TBC1D2: variants seen among roughly 807,000 people sequenced by gnomAD.
TBC1D2 encodes TBC1 domain family member 2A.
TBC1D2 carries 58 observed loss-of-function variants against 91.1 expected under a neutral mutation model. The observed-to-expected ratio is 0.64, with a 90% CI of 0.52 to 0.79. The LOEUF is 0.79. Among genes scored for constraint, TBC1D2 ranks in the 30% least tolerant of loss-of-function variants. The pLI is 0.00. For missense variants in TBC1D2, 1,080 were observed against 1,208.3 expected, an observed-to-expected ratio of 0.89 and a Z score of 1.57; for synonymous variants, 482 against 511.5, an observed-to-expected ratio of 0.94 and a Z score of 0.78.
chr9:98,233,687 C>A, intron 3 of TBC1D2, 138 bp from the exon 4 acceptor site: 1 of 1,314,050 alleles, frequency 7.6e-7, no homozygotes, highest in South Asian at 1.4e-5. Context: ...ACTCCAGGCA[C>A]CCTACATGAT....
intron 3 of TBC1D2, among the ~76,000 whole-genome samples, chr9:98,242,784 G>A (rs1185059930): frequency 7.2e-6 from 1 of 139,762 alleles, no homozygotes; most frequent in African/African-American, 2.6e-5. Context: ...TGCTTCCAAA[G>A]CCCAGGCCAC....
At position 98,201,679 on chromosome 9, in the gene TBC1D2, G is replaced by A; in HGVS notation, c.2272-15C>T. 1 of 1,604,382 alleles carries A rather than the reference G, an allele frequency of 6.2e-7. No individual in the cohort carries two copies. The highest frequency in any genetic ancestry group is 8.5e-7 in the Non-Finnish European group (1 of 1,175,230). On this transcript the variant is annotated splice_polypyrimidine_tract_variant and intron_variant, in intron 10 of 12. Coordinates refer to ENST00000465784, the MANE Select transcript of TBC1D2 (RefSeq NM_001267571.2). ...CGCTGGTCCACCTGGAAGCCAGCGA[G>A]AGGGCCTGTCATCTGCAGCCCCAGC...
chr9:98,208,415 C>T (rs988258335), intron 9 of TBC1D2, among the ~76,000 whole-genome samples: 5 of 152,188 alleles, frequency 3.3e-5, no homozygotes, highest in African/African-American at 1.2e-4. Context: ...ATTAGATTCT[C>T]ATAAGGAACA....
At chr9:98,224,865 G>A (rs1347165667) in intron 5 of TBC1D2, among the ~76,000 whole-genome samples, 2 of 152,026 alleles carry the variant, frequency 1.3e-5, no homozygotes. Flanking sequence ...AGCTCAGGTG[G>A]CCTCTTCATT....
intron 9 of TBC1D2, among the ~76,000 whole-genome samples, chr9:98,204,142 C>T (rs1828586102): frequency 6.6e-6 from 1 of 152,190 alleles, no homozygotes; most frequent in African/African-American, 2.4e-5. Context: ...GTTTTCTCTA[C>T]TTCTCCCATC....
At chr9:98,208,567 C>CA in intron 9 of TBC1D2, 101 bp downstream of exon 9, 1 of 1,187,832 alleles carries the variant, frequency 8.4e-7, no homozygotes, top group Non-Finnish European at 1.1e-6. Context: ...CTGTGCGGCC[C>CA]CTTAACAGGC....
intron 6 of TBC1D2, 130 bp downstream of exon 6, chr9:98,220,703 T>G: frequency 8.5e-7 from 1 of 1,172,494 alleles, no homozygotes; most frequent in South Asian, 1.5e-5. Flanking sequence ...GTGTTTCTAA[T>G]GTGAATATTC....
chr9:98,209,220 C>G (rs1356763567), intron 8 of TBC1D2, 76 bp from the exon 9 acceptor site: 2 of 1,450,226 alleles, frequency 1.4e-6, no homozygotes, highest in Non-Finnish European at 1.9e-6. Context: ...ACAGGGAGGA[C>G]CCCAGGCCAG....
intron 5 of TBC1D2, among the ~76,000 whole-genome samples, chr9:98,226,250 C>T (rs990259136): frequency 6.6e-6 from 1 of 152,248 alleles, no homozygotes; most frequent in Non-Finnish European, 1.5e-5. Context: ...TCCCTGATCA[C>T]TGCTATGGCC....
intron 12 of TBC1D2, 132 bp from the exon 13 acceptor site, chr9:98,199,720 A>C (rs1264945988): frequency 2.3e-6 from 2 of 870,388 alleles, no homozygotes; most frequent in Non-Finnish European, 3.7e-6. Context: ...CTCAGGAGGA[A>C]ACAATGAATA....
Position 98,213,112 on chromosome 9 carries a change from G to C in TBC1D2, c.1481C>G (p.Thr494Arg). 6.2e-7 allele frequency: 1 copy of C among 1,614,106 alleles called. No homozygotes were observed. The highest frequency in any genetic ancestry group is 8.5e-7 in the Non-Finnish European group (1 of 1,180,022). Residue 494 changes from threonine (T) to arginine (R), a missense_variant, in exon 7 of 13, where the codon ACG becomes AGG. Coordinates refer to ENST00000465784, the MANE Select transcript of TBC1D2 (RefSeq NM_001267571.2). ...KVAEKEKALLTKCAYLQARNC... is the reference protein window; with the variant it reads ...KVAEKEKALLRKCAYLQARNC... ...GAATAGGGCCCCACCCCGCACCTTC[G>C]TCAGAAGGGCCTTCTCCTTCTCAGC...
intron 7 of TBC1D2, among the ~76,000 whole-genome samples, chr9:98,211,111 C>T (rs1050568951): frequency 6.6e-6 from 1 of 152,258 alleles, no homozygotes; most frequent in Non-Finnish European, 1.5e-5. Context: ...TCTTACACAG[C>T]TTACAGTCCC....
At chr9:98,225,055 C>T (rs1269942435) in intron 5 of TBC1D2, among the ~76,000 whole-genome samples, 1 of 152,194 alleles carries the variant, frequency 6.6e-6, no homozygotes, top group Non-Finnish European at 1.5e-5. Context: ...AGAGGCTATA[C>T]GTTGCCCCAC....
intron 2 of TBC1D2, among the ~76,000 whole-genome samples, chr9:98,251,146 G>A (rs1422930816): frequency 2.0e-5 from 3 of 152,204 alleles, no homozygotes; most frequent in Middle Eastern, 3.4e-3. Context: ...TTAGCCGGGC[G>A]TGGTGGCACG....
chr9:98,216,048 G>C (rs1377330715), intron 6 of TBC1D2, among the ~76,000 whole-genome samples: 4 of 152,224 alleles, frequency 2.6e-5, no homozygotes, highest in Non-Finnish European at 5.9e-5. Flanking sequence ...GTGGTCAGTG[G>C]CATGAATGCT....
chr9:98,248,570 T>C (rs1013194172), intron 2 of TBC1D2, among the ~76,000 whole-genome samples: 1 of 152,254 alleles, frequency 6.6e-6, no homozygotes, highest in African/African-American at 2.4e-5. Context: ...GTTATGAGTC[T>C]GCAGCCTAGG....
chr9:98,230,144 G>C (rs1237673583), intron 4 of TBC1D2, among the ~76,000 whole-genome samples: 1 of 152,166 alleles, frequency 6.6e-6, no homozygotes, highest in African/African-American at 2.4e-5. Context: ...CCCTTGAGAA[G>C]CTTGTTCACA....
At chr9:98,211,204 T>C (rs1828828372) in intron 7 of TBC1D2, among the ~76,000 whole-genome samples, 1 of 152,172 alleles carries the variant, frequency 6.6e-6, no homozygotes, top group Non-Finnish European at 1.5e-5. Context: ...ATCTGTAAAA[T>C]GAGGATCATA....
At chr9:98,220,520 A>C (rs1351497355) in intron 6 of TBC1D2, among the ~76,000 whole-genome samples, 1 of 152,056 alleles carries the variant, frequency 6.6e-6, no homozygotes, top group Non-Finnish European at 1.5e-5. Flanking sequence ...CAGGCCCCAC[A>C]CTTAGCTAGT....
Sources: gnomAD v4.1 joint callset for allele counts (sites outside exome capture counted in the v4.1 genomes callset) on GRCh38, gnomAD v4.1.1 for gene constraint, MANE v1.5 for transcripts, NCBI Gene and HGNC (gene_info 2026-07-23, HGNC 2026-07-21) for gene names.